The following PPP6C variants were observed in gnomAD, a reference collection of about 807,000 sequenced individuals.
PPP6C encodes protein phosphatase 6 catalytic subunit, also known as serine/threonine-protein phosphatase 6 catalytic subunit.
In PPP6C, 11 loss-of-function variants were observed where a neutral mutation model predicts 39.8. That is an observed-to-expected ratio of 0.28 (90% CI 0.17 to 0.46). The LOEUF is 0.46. Ranked by LOEUF, PPP6C falls within the 20% of genes least tolerant of loss-of-function variation. PPP6C has a pLI of 1.00. For synonymous variants in PPP6C, 129 were observed against 130.3 expected (o/e 0.99, Z 0.07); for missense variants, 211 against 373.9 (o/e 0.56, Z 3.59).
At chr9:125,176,764 A>G (rs574446690) in intron 1 of PPP6C, among the ~76,000 whole-genome samples, 43 of 152,234 alleles carry the variant, frequency 2.8e-4, no homozygotes, top group Non-Finnish European at 5.7e-4. Flanking sequence ...AGTGTCTTCT[A>G]TAATAATCTA....
chr9:125,149,365 C>T lies in PPP6C; in HGVS notation c.*308G>A. 1 of 236,818 alleles carries T rather than the reference C, an allele frequency of 4.2e-6. No homozygotes were observed. Among genetic ancestry groups the T allele is most frequent in the Non-Finnish European group, 8.1e-6 (1 of 123,462 alleles). The allele number at this position is 236,818 out of a possible 1,614,324, so 14.7% of individuals were successfully genotyped here. A position where few individuals can be genotyped will look rare whatever the true frequency, so the allele number is the denominator to read the frequency against. On this transcript the variant is annotated 3_prime_UTR_variant, in exon 7 of 7. Coordinates refer to ENST00000373547, the MANE Select transcript of PPP6C (RefSeq NM_002721.5). The stretch of plus-strand genomic sequence containing the variant: ...TCAATTGGCTTTTAAAAAAAGGAAA[C>T]ACATCCTGTTTCCCAGACCAGTAAA...
At chr9:125,159,056 T>A (rs1197279589) in intron 3 of PPP6C, among the ~76,000 whole-genome samples, 1 of 149,854 alleles carries the variant, frequency 6.7e-6, no homozygotes, top group Non-Finnish European at 1.5e-5. Context: ...TTTTTTTTTT[T>A]AGATGGAGTT....
chr9:125,149,881 T>A lies in PPP6C; in HGVS notation c.710A>T (p.His237Leu). The A allele has an allele frequency of 6.2e-7, 1 of 1,614,130 alleles. No individual in the cohort carries two copies. Among genetic ancestry groups the A allele is most frequent in the South Asian group, 1.1e-5 (1 of 91,080 alleles). ...INNLKLICRAHQLVHEGYKFM... is the reference protein window; with the variant it reads ...INNLKLICRALQLVHEGYKFM... The stretch of plus-strand genomic sequence containing the variant: ...TTTATAGCCTTCGTGCACTAGTTGA[T>A]GTGCTCTGCAGATGAGTTTTAAGTT... Residue 237 changes from histidine to leucine, a missense_variant, in exon 7 of 7, where the codon CAT becomes CTT. Around this residue, in one of 2 missense-constraint regions of PPP6C, gnomAD observed 168 missense variants for 342.6 expected, o/e 0.49. Transcript: ENST00000373547.
In PPP6C at chr9:125,149,439, T is replaced by A; in HGVS notation, c.*234A>T. On this transcript the variant is annotated 3_prime_UTR_variant, in exon 7 of 7. Transcript: ENST00000373547. ...TGTGAGTATTAAGACATTTCTCAAG[T>A]CTTCTCAAATGAGTCCAGGGTGGGG... is the stretch of plus-strand genomic sequence containing the variant. 2.2e-6 allele frequency: 1 copy of A among 444,794 alleles called. No homozygotes were observed. Among genetic ancestry groups the A allele is most frequent in the East Asian group, 3.5e-5 (1 of 28,622 alleles). 27.6% of individuals were successfully genotyped at this position (444,794 alleles called of 1,614,324 possible). A position where few individuals can be genotyped will look rare whatever the true frequency, so the allele number is the denominator to read the frequency against.
At position 125,153,722 on chromosome 9, in the gene PPP6C, C is replaced by T. The variant is rs752776391; in HGVS notation, c.480G>A (p.Leu160=). 3.1e-6 allele frequency: 5 copies of T among 1,613,774 alleles called. No homozygotes were observed. In the South Asian group the frequency reaches 4.4e-5, roughly 14 times the overall value. ...TVAALIDEQI[L]CVHGGLSPDI... ...CAGGAGATAAACCACCATGGACACA[C>T]AAAATCTGCTCATCTATTAACTAGC... The change falls in exon 6 of 7, where the codon TTG becomes TTA. Residue 160 remains leucine (L), a synonymous_variant. Transcript: ENST00000373547.
chr9:125,168,448 T>C (rs1032683279), intron 2 of PPP6C, among the ~76,000 whole-genome samples: 1 of 152,142 alleles, frequency 6.6e-6, no homozygotes, highest in African/African-American at 2.4e-5. Context: ...ATGTTTCTGA[T>C]TAGCAATCTT....
intron 2 of PPP6C, among the ~76,000 whole-genome samples, chr9:125,163,840 G>A (rs1030388613): frequency 2.6e-5 from 4 of 151,618 alleles, no homozygotes; most frequent in African/African-American, 9.7e-5. Context: ...CCGAGAACTT[G>A]GGCAATTCTT....
At chr9:125,171,345 C>T (rs1588287867) in intron 1 of PPP6C, among the ~76,000 whole-genome samples, 165 bp from the exon 2 acceptor site, 2 of 151,346 alleles carry the variant, frequency 1.3e-5, no homozygotes, top group East Asian at 3.9e-4. Flanking sequence ...TGTCAGCTGT[C>T]ACACAGAATT....
chr9:125,160,729 T>TA, intron 3 of PPP6C, 112 bp downstream of exon 3: 1 of 709,060 alleles, frequency 1.4e-6, no homozygotes, highest in Non-Finnish European at 2.1e-6. Flanking sequence ...CATCTTTTAA[T>TA]ATACTGAAAT....
intron 1 of PPP6C, among the ~76,000 whole-genome samples, chr9:125,176,182 G>C (rs374986959): frequency 6.6e-6 from 1 of 152,288 alleles, no homozygotes; most frequent in East Asian, 1.9e-4. Flanking sequence ...TTGTGTCTAA[G>C]AAACATCATC....
rs1427959577 is a variant in PPP6C, at chr9:125,147,234, T to C, written c.*2439A>G. The C allele has an allele frequency of 6.6e-6, 1 of 152,192 alleles. No individual in the cohort carries two copies. Among genetic ancestry groups the C allele is most frequent in the Non-Finnish European group, 1.5e-5 (1 of 68,028 alleles). 9.4% of individuals were successfully genotyped at this position (152,192 alleles called of 1,614,324 possible). A position where few individuals can be genotyped will look rare whatever the true frequency, so the allele number is the denominator to read the frequency against. Reference sequence around the variant, plus strand: ...GCAATTCAAAGTAGACAGTTCTCACTAGAGCCTAGGGCACTTTATTAGAAA... The same window carrying C: ...GCAATTCAAAGTAGACAGTTCTCACCAGAGCCTAGGGCACTTTATTAGAAA... On this transcript the variant is annotated 3_prime_UTR_variant, in exon 7 of 7. Coordinates refer to ENST00000373547, the MANE Select transcript of PPP6C (RefSeq NM_002721.5).
chr9:125,147,847 C>A lies in PPP6C; in HGVS notation c.*1826G>T, dbSNP rs1835846937. 5.7e-6 allele frequency: 1 copy of A among 176,652 alleles called. No homozygotes were observed. The highest frequency in any genetic ancestry group is 1.2e-5 in the Non-Finnish European group (1 of 83,632). The allele number at this position is 176,652 out of a possible 1,614,324, so 10.9% of individuals were successfully genotyped here. A position where few individuals can be genotyped will look rare whatever the true frequency, so the allele number is the denominator to read the frequency against. On this transcript the variant is annotated 3_prime_UTR_variant, in exon 7 of 7. Coordinates refer to ENST00000373547, the MANE Select transcript of PPP6C (RefSeq NM_002721.5). ...TGCAGAGAGCTGTTCAAAGACCACACCAAGTTGTCTGCATCATTAATTTCC... is the reference window on the plus strand; with the variant it reads ...TGCAGAGAGCTGTTCAAAGACCACAACAAGTTGTCTGCATCATTAATTTCC...
At chr9:125,159,033 TAA>T (rs1367282935) in intron 3 of PPP6C, among the ~76,000 whole-genome samples, 1 of 146,226 alleles carries the variant, frequency 6.8e-6, no homozygotes, top group East Asian at 2.1e-4. Flanking sequence ...CAGTATTTTT[TAA>T]GTTTTTTTTT....
At chr9:125,188,178 G>C (rs920250417) in intron 1 of PPP6C, among the ~76,000 whole-genome samples, 1 of 152,040 alleles carries the variant, frequency 6.6e-6, no homozygotes, top group African/African-American at 2.4e-5. Context: ...GAGTTCAGGA[G>C]ATCGAGACCA....
intron 2 of PPP6C, among the ~76,000 whole-genome samples, chr9:125,162,058 A>G (rs564916842): frequency 3.3e-5 from 5 of 152,122 alleles, no homozygotes; most frequent in Admixed American, 6.6e-5. Flanking sequence ...AACACCTTTT[A>G]TAACAATGTT....
At chr9:125,187,964 T>C (rs1488833506) in intron 1 of PPP6C, among the ~76,000 whole-genome samples, 2 of 152,016 alleles carry the variant, frequency 1.3e-5, no homozygotes, top group Non-Finnish European at 2.9e-5. Flanking sequence ...TAAGTACAAT[T>C]CAGTCACATT....
intron 2 of PPP6C, among the ~76,000 whole-genome samples, chr9:125,167,659 T>G (rs10986603): frequency 0.23 from 35,511 of 151,328 alleles, 4,683 homozygotes; most frequent in Non-Finnish European, 0.3. Context: ...GCCAGGATCG[T>G]GCCATTGCAC....
At chr9:125,180,963 CACTA>C (rs1052619499) in intron 1 of PPP6C, among the ~76,000 whole-genome samples, 5 of 152,172 alleles carry the variant, frequency 3.3e-5, no homozygotes, top group African/African-American at 1.2e-4. Context: ...GGCCCAGGCA[CACTA>C]ACTAGAGTAA....
chr9:125,169,056 G>A (rs1310393004), intron 2 of PPP6C, among the ~76,000 whole-genome samples: 2 of 152,220 alleles, frequency 1.3e-5, no homozygotes, highest in East Asian at 1.9e-4. Flanking sequence ...ACTGCACCTG[G>A]AACAATTGTT....
Sources: allele counts gnomAD v4.1 joint callset (sites outside exome capture counted in the v4.1 genomes callset), GRCh38; gene constraint gnomAD v4.1.1; regional missense constraint gnomAD v4.1.1; transcripts MANE v1.5; gene names NCBI Gene and HGNC (gene_info 2026-07-23, HGNC 2026-07-21).